The following NT5DC3 variants were observed in gnomAD, a reference collection of about 807,000 sequenced individuals.
The protein encoded by NT5DC3 is 5'-nucleotidase domain-containing protein 3.
Under a neutral mutation model 67.8 loss-of-function variants are expected in NT5DC3, and 42 were observed. The ratio of observed to expected loss-of-function variants is 0.62; its 90% CI spans 0.48 to 0.80. The LOEUF (loss-of-function observed/expected upper bound fraction) is 0.80. NT5DC3 is among the 30% of genes least tolerant of loss of function. The probability of loss-of-function intolerance (pLI) is 0.00; values close to 1 mark genes in which losing one functional copy is unlikely to be tolerated. For missense variants in NT5DC3, 570 were observed against 696.4 expected (o/e 0.82, Z 2.04); for synonymous variants, 237 against 255.6 (o/e 0.93, Z 0.69).
At chr12:103,750,596 G>C in the NT5DC3 span, 1 of 1,614,212 alleles carries the variant, frequency 6.2e-7, no homozygotes, top group African/African-American at 1.3e-5. Flanking sequence ...ACAAGTGTGA[G>C]TGTAAAAGTC....
intron 1 of NT5DC3, among the ~76,000 whole-genome samples, chr12:103,825,543 A>G (rs754174037): frequency 1.3e-5 from 2 of 152,222 alleles, no homozygotes; most frequent in African/African-American, 4.8e-5. Context: ...TGTAATCCCA[A>G]TGCTTTGGGA....
downstream of NT5DC3, chr12:103,771,472 T>C (rs1885179782): frequency 6.6e-6 from 1 of 152,228 alleles, no homozygotes; most frequent in Non-Finnish European, 1.5e-5. Flanking sequence ...CAGGGGACCA[T>C]GCTTCAGTGT....
intron 12 of NT5DC3, among the ~76,000 whole-genome samples, chr12:103,782,468 C>T (rs11111767): frequency 0.24 from 35,968 of 152,144 alleles, 4,857 homozygotes; most frequent in South Asian, 0.46. Flanking sequence ...TACAACCATT[C>T]ATTCACATAC....
At chr12:103,753,249 TC>T in the NT5DC3 span, 1 of 1,614,148 alleles carries the variant, frequency 6.2e-7, no homozygotes, top group South Asian at 1.1e-5. Context: ...CCATCTACGC[TC>T]CCCACTGGGC....
rs144212353 is a variant in NT5DC3 at position 103,809,151 on chromosome 12, C to T, written c.394-2222G>A. Among the ~76,000 whole-genome samples, 281 of 152,358 alleles carry T rather than the reference C, an allele frequency of 1.8e-3. 1 individual carries two copies. The highest frequency in any genetic ancestry group is 6.3e-3 in the African/African-American group (263 of 41,580). The stretch of plus-strand genomic sequence containing the variant: ...GAGCCACTATATACTGGACACTCAT[C>T]GCCTCCCTGTGACAGCAGCACCTGC... On this transcript the variant is annotated intron_variant, in intron 2 of 13. Transcript: ENST00000392876.
chr12:103,763,350 A>G, the NT5DC3 span: 1 of 669,530 alleles, frequency 1.5e-6, no homozygotes, highest in African/African-American at 1.8e-5. Flanking sequence ...ATTTTATTAT[A>G]TGTGAATCAT....
intron 2 of NT5DC3, among the ~76,000 whole-genome samples, chr12:103,814,398 G>C (rs1454751614): frequency 6.6e-6 from 1 of 152,126 alleles, no homozygotes; most frequent in Non-Finnish European, 1.5e-5. Context: ...AGACTTCTGA[G>C]GACACTTCTT....
the NT5DC3 span, chr12:103,762,323 T>G: frequency 6.2e-7 from 1 of 1,614,262 alleles, no homozygotes; most frequent in Admixed American, 1.7e-5. Flanking sequence ...GCCATCATCC[T>G]GGTGACTGGG....
At chr12:103,765,415 G>A in the NT5DC3 span, among the ~76,000 whole-genome samples, 2 of 152,122 alleles carry the variant, frequency 1.3e-5, no homozygotes, top group African/African-American at 4.8e-5. Flanking sequence ...ACATTCTCAC[G>A]CCTTTGACAC....
chr12:103,764,502 A>T, the NT5DC3 span, among the ~76,000 whole-genome samples: 1 of 152,328 alleles, frequency 6.6e-6, no homozygotes, highest in East Asian at 1.9e-4. Context: ...TACCCCATAC[A>T]TAACACATGT....
chr12:103,758,359 C>A, the NT5DC3 span: 1 of 1,593,908 alleles, frequency 6.3e-7, no homozygotes, highest in Non-Finnish European at 8.5e-7. Flanking sequence ...TGCTGTGTCA[C>A]AAATTACCTG....
At chr12:103,788,381 G>A (rs559012137) in intron 10 of NT5DC3, among the ~76,000 whole-genome samples, 37 of 152,364 alleles carry the variant, frequency 2.4e-4, no homozygotes, top group South Asian at 1.2e-3. Context: ...AGGAGGTTGA[G>A]GCTATAGTGA....
intron 1 of NT5DC3, among the ~76,000 whole-genome samples, chr12:103,828,081 T>C (rs899258136): frequency 6.6e-6 from 1 of 152,188 alleles, no homozygotes; most frequent in Admixed American, 6.5e-5. Flanking sequence ...ACTGACAAAC[T>C]AGAGTGAAAG....
intron 5 of NT5DC3, 107 bp from the exon 6 acceptor site, chr12:103,797,138 C>G: frequency 3.4e-6 from 4 of 1,181,558 alleles, no homozygotes; most frequent in Non-Finnish European, 4.9e-6. Context: ...TAAACGAGAT[C>G]CCATCATCAA....
At chr12:103,761,267 TA>T in the NT5DC3 span, 9 of 1,599,596 alleles carry the variant, frequency 5.6e-6, no homozygotes, top group African/African-American at 1.3e-5. Flanking sequence ...ACTCGGAGAG[TA>T]AAAGCCATCA....
intron 11 of NT5DC3, 88 bp downstream of exon 11, chr12:103,787,353 A>C (rs1404667738): frequency 1.6e-6 from 1 of 613,732 alleles, no homozygotes; most frequent in African/African-American, 1.9e-5. Context: ...TTCTTAAATA[A>C]AAGGTACATC....
intron 2 of NT5DC3, among the ~76,000 whole-genome samples, chr12:103,809,730 A>G (rs1045997585): frequency 3.9e-5 from 6 of 152,156 alleles, no homozygotes; most frequent in African/African-American, 1.4e-4. Flanking sequence ...GGTCCCTCCC[A>G]TGACACGTGG....
At chr12:103,799,156 G>A (rs75134775) in intron 4 of NT5DC3, among the ~76,000 whole-genome samples, 1 of 152,182 alleles carries the variant, frequency 6.6e-6, no homozygotes, top group Non-Finnish European at 1.5e-5. Context: ...TTGCTTTGGG[G>A]TGGGCTGGCT....
At chr12:103,828,949 T>C (rs1887812716) in intron 1 of NT5DC3, among the ~76,000 whole-genome samples, 1 of 152,200 alleles carries the variant, frequency 6.6e-6, no homozygotes, top group South Asian at 2.1e-4. Context: ...TCTGCCCACT[T>C]TGGCCTTCCC....
Sources: allele counts gnomAD v4.1 joint callset (sites outside exome capture counted in the v4.1 genomes callset), GRCh38; gene constraint gnomAD v4.1.1; transcripts MANE v1.5; gene names NCBI Gene and HGNC (gene_info 2026-07-23, HGNC 2026-07-21).